PEBP4: variants seen among roughly 807,000 people sequenced by gnomAD.
The protein encoded by PEBP4 is phosphatidylethanolamine binding protein 4, also known as phosphatidylethanolamine-binding protein 4.
Under a neutral mutation model 23.9 loss-of-function variants are expected in PEBP4, and 22 were observed. The ratio of observed to expected loss-of-function variants is 0.92; its 90% CI spans 0.66 to 1.31. The LOEUF is 1.31. Among genes scored for constraint, PEBP4 ranks in the 40% most tolerant of loss-of-function variants. The pLI, the probability that PEBP4 is intolerant of heterozygous loss-of-function variation, is 0.00. For synonymous variants in PEBP4, 112 were observed against 99.3 expected, an observed-to-expected ratio of 1.13 and a Z score of -0.76; for missense variants, 324 against 281.7, an observed-to-expected ratio of 1.15 and a Z score of -1.07.
chr8:22,832,606 C>A (rs925115273), intron 3 of PEBP4, among the ~76,000 whole-genome samples: 5 of 152,206 alleles, frequency 3.3e-5, no homozygotes, highest in Non-Finnish European at 7.3e-5. Flanking sequence ...TGCCTTGCCA[C>A]TGGGGAGTCT....
intron 3 of PEBP4, among the ~76,000 whole-genome samples, chr8:22,900,125 G>A (rs1339261492): frequency 2.0e-5 from 3 of 152,176 alleles, no homozygotes; most frequent in Non-Finnish European, 2.9e-5. Context: ...ACTACCATGA[G>A]ACAAGGCTAA....
chr8:22,911,326 T>C (rs1285304713), intron 3 of PEBP4, among the ~76,000 whole-genome samples: 1 of 152,068 alleles, frequency 6.6e-6, no homozygotes, highest in Admixed American at 6.5e-5. Context: ...CTATGACAAC[T>C]GCCCCTGCCA....
chr8:22,764,984 C>T (rs1805577923), intron 4 of PEBP4, among the ~76,000 whole-genome samples: 1 of 152,146 alleles, frequency 6.6e-6, no homozygotes, highest in South Asian at 2.1e-4. Context: ...CAGGGCCCCA[C>T]ATTTCCAAAT....
chr8:22,771,015 A>G (rs975006200), intron 4 of PEBP4, among the ~76,000 whole-genome samples: 5 of 152,262 alleles, frequency 3.3e-5, no homozygotes, highest in Admixed American at 3.3e-4. Flanking sequence ...ATGTGAAAGC[A>G]TTTTGTAAAC....
intron 6 of PEBP4, among the ~76,000 whole-genome samples, chr8:22,715,501 C>T (rs890030565): frequency 3.9e-5 from 6 of 152,114 alleles, no homozygotes; most frequent in South Asian, 2.1e-4. Flanking sequence ...GACGAGGGGG[C>T]CTTCCCCACC....
At chr8:22,881,184 G>A (rs1808249109) in intron 3 of PEBP4, among the ~76,000 whole-genome samples, 1 of 152,236 alleles carries the variant, frequency 6.6e-6, no homozygotes, top group African/African-American at 2.4e-5. Context: ...GGGCTCCAGT[G>A]TCCCCAGGGA....
chr8:22,823,622 T>C (rs1426793352), intron 3 of PEBP4, among the ~76,000 whole-genome samples: 1 of 151,804 alleles, frequency 6.6e-6, no homozygotes, highest in Non-Finnish European at 1.5e-5. Context: ...CTGTTAACAG[T>C]AAATGTCATG....
chr8:22,853,371 A>G (rs531940983), intron 3 of PEBP4, among the ~76,000 whole-genome samples: 1 of 152,270 alleles, frequency 6.6e-6, no homozygotes, highest in East Asian at 1.9e-4. Flanking sequence ...GTGGATGTAA[A>G]CCTGGAGCAT....
chr8:22,794,114 T>C (rs917527353), intron 4 of PEBP4, among the ~76,000 whole-genome samples: 1 of 152,210 alleles, frequency 6.6e-6, no homozygotes, highest in Non-Finnish European at 1.5e-5. Context: ...TTGTATTTCT[T>C]TTGAAAAAAT....
chr8:22,748,931 C>T (rs903143529), intron 4 of PEBP4, among the ~76,000 whole-genome samples: 2 of 152,236 alleles, frequency 1.3e-5, no homozygotes, highest in South Asian at 4.1e-4. Flanking sequence ...TGGGATTCTG[C>T]AGAGAGGCCT....
At chr8:22,810,713 TGA>T (rs1261621853) in intron 4 of PEBP4, among the ~76,000 whole-genome samples, 115 of 126,326 alleles carry the variant, frequency 9.1e-4, no homozygotes, top group African/African-American at 1.8e-3. Context: ...TGTGTGTGTG[TGA>T]GAGAGAGAGA....
intron 4 of PEBP4, among the ~76,000 whole-genome samples, chr8:22,804,597 T>C (rs895737503): frequency 6.6e-6 from 1 of 152,106 alleles, no homozygotes; most frequent in Admixed American, 6.5e-5. Flanking sequence ...CAGGACTTAA[T>C]CATCTTACAT....
intron 2 of PEBP4, among the ~76,000 whole-genome samples, 159 bp downstream of exon 2, chr8:22,927,425 A>G (rs1809365065): frequency 6.6e-6 from 1 of 152,240 alleles, no homozygotes; most frequent in African/African-American, 2.4e-5. Flanking sequence ...TCTCAGTGCC[A>G]TCCTCCATCA....
rs1807885794 is a variant in PEBP4 at position 22,865,759 on chromosome 8, C to T, written c.259-48024G>A. 6.6e-6 allele frequency among the ~76,000 whole-genome samples: 1 copy of T among 152,156 alleles called. No homozygotes were observed. The highest frequency in any genetic ancestry group is 1.5e-5 in the Non-Finnish European group (1 of 68,004). On this transcript the variant is annotated intron_variant, in intron 3 of 6. Coordinates refer to ENST00000256404, the MANE Select transcript of PEBP4 (RefSeq NM_144962.3). The surrounding 1 kb of genome is among the most constrained non-coding windows in gnomAD (Gnocchi z 6.9). ...CCGGATCTGGTGGGCGGAAGATGGG[C>T]CACGCGGGAAGGAGATCGGCGGCCA...
intron 3 of PEBP4, chr8:22,897,631 CA>C (rs1358151077): frequency 3.3e-5 from 5 of 152,036 alleles, no homozygotes; most frequent in African/African-American, 1.2e-4. Context: ...GTTTCAAAAC[CA>C]TTTCTATCTC....
intron 4 of PEBP4, among the ~76,000 whole-genome samples, chr8:22,768,476 C>T (rs142042888): frequency 6.6e-6 from 1 of 152,168 alleles, no homozygotes; most frequent in East Asian, 1.9e-4. Flanking sequence ...GCCAAGCAGA[C>T]CCCCCATCCC....
At chr8:22,857,298 T>C (rs1280379886) in intron 3 of PEBP4, among the ~76,000 whole-genome samples, 2 of 151,368 alleles carry the variant, frequency 1.3e-5, no homozygotes, top group African/African-American at 2.4e-5. Flanking sequence ...TTTGGTTTAA[T>C]ATCCTGAGGC....
chr8:22,846,583 A>G (rs1293720281), intron 3 of PEBP4, among the ~76,000 whole-genome samples: 1 of 152,136 alleles, frequency 6.6e-6, no homozygotes, highest in African/African-American at 2.4e-5. Context: ...GGAGAGGAGA[A>G]GGCCAGGGTG....
chr8:22,898,416 A>AAAAAAAAAAC (rs1563253556), intron 3 of PEBP4, among the ~76,000 whole-genome samples: 1 of 134,008 alleles, frequency 7.5e-6, no homozygotes, highest in East Asian at 2.0e-4. Flanking sequence ...AAAAAAAAAA[A>AAAAAAAAAAC]AAAAAAAAAA....
Sources: allele counts gnomAD v4.1 joint callset (sites outside exome capture counted in the v4.1 genomes callset), GRCh38; gene constraint gnomAD v4.1.1; non-coding constraint Gnocchi (gnomAD v3.1); transcripts MANE v1.5; gene names NCBI Gene and HGNC (gene_info 2026-07-23, HGNC 2026-07-21).